MYO3A: variants seen among roughly 807,000 people sequenced by gnomAD.
MYO3A encodes myosin IIIA.
A neutral mutation model predicts 192.7 loss-of-function variants in MYO3A; 180 were observed. The ratio of observed to expected loss-of-function variants is 0.93; its 90% CI spans 0.83 to 1.06. The LOEUF is 1.06. MYO3A is among the 50% of genes least tolerant of loss of function. The probability of loss-of-function intolerance (pLI) is 0.00; values close to 1 mark genes in which losing one functional copy is unlikely to be tolerated. For synonymous variants in MYO3A, 628 were observed against 645.3 expected, an observed-to-expected ratio of 0.97 and a Z score of 0.41; for missense variants, 1,896 against 1,905.0, an observed-to-expected ratio of 1.00 and a Z score of 0.09.
At position 26,211,867 on chromosome 10, in the gene MYO3A, G is replaced by C; in HGVS notation, c.4755G>C (p.Glu1585Asp). 1 of 1,614,118 alleles carries C rather than the reference G, an allele frequency of 6.2e-7. No homozygotes were observed. The highest frequency in any genetic ancestry group is 8.5e-7 in the Non-Finnish European group (1 of 1,180,016). Residue 1585 changes from glutamate to aspartate, a missense_variant, in exon 35 of 35, where the codon GAG becomes GAC. Glu to Asp is a conservative substitution (Grantham distance 45). Coordinates refer to ENST00000642920, the MANE Select transcript of MYO3A (RefSeq NM_017433.5). ...GGTGCTGGGCGGCGGAGAGCCCCGAGAAGGAGGAGGAGAGAGAGCCAGCAG... is the reference window on the plus strand; with the variant it reads ...GGTGCTGGGCGGCGGAGAGCCCCGACAAGGAGGAGGAGAGAGAGCCAGCAG... The part of the protein sequence containing the change: ...NERCWAAESP[E>D]KEEEREPAAN...
At chr10:26,092,225 T>C (rs945424189) in intron 15 of MYO3A, among the ~76,000 whole-genome samples, 1 of 152,166 alleles carries the variant, frequency 6.6e-6, no homozygotes, top group South Asian at 2.1e-4. Context: ...CCCAGCACTT[T>C]GGGAGGCCGA....
intron 2 of MYO3A, among the ~76,000 whole-genome samples, chr10:25,945,943 T>A (rs1362348220): frequency 6.6e-6 from 1 of 152,210 alleles, no homozygotes; most frequent in African/African-American, 2.4e-5. Context: ...CAACTTATTT[T>A]AAACTGATAC....
chr10:26,122,662 A>G (rs1222387124), intron 18 of MYO3A, among the ~76,000 whole-genome samples: 1 of 152,098 alleles, frequency 6.6e-6, no homozygotes, highest in East Asian at 1.9e-4. Flanking sequence ...CCCATCTATC[A>G]GTGGGCTCTC....
At chr10:26,116,436 G>C (rs2131674378) in intron 17 of MYO3A, among the ~76,000 whole-genome samples, 1 of 152,248 alleles carries the variant, frequency 6.6e-6, no homozygotes, top group South Asian at 2.1e-4. Context: ...GGAATCCACT[G>C]TACTCCAGTA....
intron 15 of MYO3A, 145 bp from the exon 16 acceptor site, chr10:26,096,236 A>G (rs1445497884): frequency 4.7e-6 from 3 of 643,420 alleles, no homozygotes; most frequent in Admixed American, 2.8e-5. Flanking sequence ...AATGACAACA[A>G]TAATGACCAC....
intron 20 of MYO3A, among the ~76,000 whole-genome samples, chr10:26,138,914 C>T (rs1839998150): frequency 6.6e-6 from 1 of 152,188 alleles, no homozygotes; most frequent in Non-Finnish European, 1.5e-5. Context: ...AAACATCAAC[C>T]TGACACCAAG....
chr10:26,168,485 T>C (rs1841874839), intron 27 of MYO3A, among the ~76,000 whole-genome samples: 1 of 152,200 alleles, frequency 6.6e-6, no homozygotes, highest in South Asian at 2.1e-4. Flanking sequence ...AGTTACCTGT[T>C]GTAAATAAAC....
At chr10:25,979,381 T>C (rs867970935) in intron 4 of MYO3A, among the ~76,000 whole-genome samples, 7 of 150,900 alleles carry the variant, frequency 4.6e-5, no homozygotes, top group Middle Eastern at 3.5e-3. Flanking sequence ...AAATATTATC[T>C]TAGTTTGGAG....
At chr10:26,148,131 A>G (rs1444065389) in intron 23 of MYO3A, among the ~76,000 whole-genome samples, 1 of 152,218 alleles carries the variant, frequency 6.6e-6, no homozygotes, top group African/African-American at 2.4e-5. Context: ...TTTTTGACAT[A>G]TATAAGCACC....
chr10:26,147,170 T>C (rs1478408823), intron 22 of MYO3A, among the ~76,000 whole-genome samples: 1 of 152,182 alleles, frequency 6.6e-6, no homozygotes, highest in African/African-American at 2.4e-5. Context: ...ATTCCTAATG[T>C]AATAAATGAG....
intron 14 of MYO3A, among the ~76,000 whole-genome samples, chr10:26,071,989 G>A (rs1281065391): frequency 1.3e-5 from 2 of 152,032 alleles, no homozygotes; most frequent in South Asian, 2.1e-4. Flanking sequence ...TGCATGACTC[G>A]GAGGCCTCAG....
chr10:26,113,223 C>T (rs1838296615), intron 17 of MYO3A, among the ~76,000 whole-genome samples: 1 of 152,126 alleles, frequency 6.6e-6, no homozygotes, highest in African/African-American at 2.4e-5. Context: ...GTAATCCTAG[C>T]ACTTTGGGAG....
chr10:25,986,594 A>G (rs1839668799), intron 4 of MYO3A, among the ~76,000 whole-genome samples: 1 of 152,166 alleles, frequency 6.6e-6, no homozygotes, highest in Admixed American at 6.5e-5. Flanking sequence ...CAAGAACTCA[A>G]ACTCTTTCAC....
chr10:26,128,286 T>C, intron 19 of MYO3A, 105 bp from the exon 20 acceptor site: 1 of 1,187,840 alleles, frequency 8.4e-7, no homozygotes, highest in Non-Finnish European at 1.2e-6. Context: ...TGTATGTTCT[T>C]ATAGTAGTTT....
chr10:26,099,152 A>G (rs1239840600), intron 17 of MYO3A, among the ~76,000 whole-genome samples: 1 of 151,972 alleles, frequency 6.6e-6, no homozygotes, highest in Non-Finnish European at 1.5e-5. Flanking sequence ...ATTCCTAGAT[A>G]TTTTATTCTC....
intron 10 of MYO3A, among the ~76,000 whole-genome samples, chr10:26,064,697 T>C (rs1834706032): frequency 6.6e-6 from 1 of 151,990 alleles, no homozygotes; most frequent in Non-Finnish European, 1.5e-5. Context: ...TAGCCCTAGA[T>C]AGAATTTGAT....
At chr10:26,134,595 A>G (rs1234306898) in intron 20 of MYO3A, among the ~76,000 whole-genome samples, 2 of 152,208 alleles carry the variant, frequency 1.3e-5, no homozygotes, top group Non-Finnish European at 2.9e-5. Context: ...AACACCATGT[A>G]AAGGGTACAC....
At chr10:26,025,851 A>T (rs1459362690) in intron 9 of MYO3A, among the ~76,000 whole-genome samples, 1 of 152,240 alleles carries the variant, frequency 6.6e-6, no homozygotes, top group Non-Finnish European at 1.5e-5. Flanking sequence ...CAAAAAATAC[A>T]TATTGACATG....
At chr10:26,022,534 A>G (rs1842359299) in intron 8 of MYO3A, 1 of 152,190 alleles carries the variant, frequency 6.6e-6, no homozygotes, top group African/African-American at 2.4e-5. Context: ...TAGATGTTCC[A>G]AATTATAATA....
Sources: allele counts gnomAD v4.1 joint callset (sites outside exome capture counted in the v4.1 genomes callset), GRCh38; gene constraint gnomAD v4.1.1; transcripts MANE v1.5; gene names NCBI Gene and HGNC (gene_info 2026-07-23, HGNC 2026-07-21).